Variants in PSD3 observed in about 807,000 individuals in gnomAD.
PSD3 encodes PH and SEC7 domain-containing protein 3.
A neutral mutation model predicts 105.5 loss-of-function variants in PSD3; 49 were observed. The observed-to-expected ratio is 0.46, with a 90% CI of 0.37 to 0.59. The LOEUF is 0.59. PSD3 is among the 20% of genes least tolerant of loss of function. PSD3 has a pLI of 0.00. For missense variants in PSD3, 1,561 were observed against 1,263.8 expected, an observed-to-expected ratio of 1.24 and a Z score of -3.57; for synonymous variants, 557 against 457.8, an observed-to-expected ratio of 1.22 and a Z score of -2.77.
At chr8:19,057,628 C>T (rs572047904) in intron 1 of PSD3, among the ~76,000 whole-genome samples, 2 of 152,256 alleles carry the variant, frequency 1.3e-5, no homozygotes, top group African/African-American at 4.8e-5. Flanking sequence ...CCCTGCTAAA[C>T]ATTTGCTTCA....
chr8:18,683,581 T>C (rs77604181), intron 9 of PSD3, among the ~76,000 whole-genome samples: 2,786 of 152,284 alleles, frequency 0.018, 87 homozygotes, highest in African/African-American at 0.062. Flanking sequence ...AACTGACCCA[T>C]GCCACAGCAT....
At chr8:18,873,048 G>T (rs1391310394) in intron 2 of PSD3, among the ~76,000 whole-genome samples, 1 of 151,974 alleles carries the variant, frequency 6.6e-6, no homozygotes, top group Non-Finnish European at 1.5e-5. Context: ...TGCAAAAAGG[G>T]GTTACAATAA....
rs1046259073 is a variant in PSD3 at position 18,804,580 on chromosome 8, C to T, written c.1852G>A (p.Ala618Thr). ...TCAAAAAACTTCAGATATTCTTCTG[C>T]AACTAGTTTGCTAAATTCGTTGCTA... ...GKNNEFSKLVAEEYLKFFDFT... is the reference protein window; with the variant it reads ...GKNNEFSKLVTEEYLKFFDFT... The change falls in exon 6 of 16, where the codon GCA (alanine) becomes ACA (threonine). Residue 618 changes from alanine to threonine, a missense_variant. By Grantham distance (58) the Ala-to-Thr change is moderately conservative (BLOSUM62 0). Transcript: ENST00000327040. The T allele has an allele frequency of 2.5e-6, 4 of 1,613,582 alleles. No individual in the cohort carries two copies. The highest frequency in any genetic ancestry group is 3.4e-6 in the Non-Finnish European group (4 of 1,179,548).
intron 14 of PSD3, among the ~76,000 whole-genome samples, chr8:18,562,485 G>C (rs559904070): frequency 2.6e-5 from 4 of 152,320 alleles, no homozygotes; most frequent in South Asian, 4.1e-4. Flanking sequence ...CCTGAACTCA[G>C]CTTTCAGAGC....
intron 9 of PSD3, among the ~76,000 whole-genome samples, chr8:18,739,630 T>G (rs1804407014): frequency 6.6e-6 from 1 of 152,182 alleles, no homozygotes; most frequent in African/African-American, 2.4e-5. Flanking sequence ...GGGCTCTAAT[T>G]TATCCTATTT....
At chr8:18,883,557 A>G (rs771292618) in intron 2 of PSD3, among the ~76,000 whole-genome samples, 5 of 152,338 alleles carry the variant, frequency 3.3e-5, no homozygotes, top group Non-Finnish European at 7.4e-5. Context: ...AAACTTGACC[A>G]TTAGTCAAAA....
At chr8:19,055,921 A>G (rs1380168756) in intron 1 of PSD3, among the ~76,000 whole-genome samples, 1 of 152,224 alleles carries the variant, frequency 6.6e-6, no homozygotes, top group Non-Finnish European at 1.5e-5. Flanking sequence ...TGTCAGGAGA[A>G]CACACTACTT....
rs539442045 is a variant in PSD3 at position 18,959,409 on chromosome 8, C to T, written c.22-23267G>A. ...GGATTCATACTACCAAAATAACCCG[C>T]TGTACACTTTACAGCATTTTAAAAC... On this transcript the variant is annotated intron_variant, in intron 1 of 15. Coordinates refer to ENST00000327040, the MANE Select transcript of PSD3 (RefSeq NM_015310.4). 3.3e-5 allele frequency among the ~76,000 whole-genome samples: 5 copies of T among 152,274 alleles called. No individual in the cohort carries two copies. In the South Asian group the frequency reaches 1.0e-3, roughly 32 times the overall value.
intron 2 of PSD3, among the ~76,000 whole-genome samples, chr8:18,934,577 ATTTT>A (rs565531863): frequency 6.7e-6 from 1 of 149,832 alleles, no homozygotes; most frequent in Admixed American, 6.7e-5. Flanking sequence ...CGCCCGGCTA[ATTTT>A]TTTTTTAGTA....
intron 9 of PSD3, among the ~76,000 whole-genome samples, chr8:18,692,813 T>A (rs1447841534): frequency 6.6e-6 from 1 of 152,168 alleles, no homozygotes. Context: ...GCCTATATTA[T>A]ATAGATGTTA....
chr8:18,617,123 G>A (rs572214381), intron 11 of PSD3, among the ~76,000 whole-genome samples: 20 of 152,304 alleles, frequency 1.3e-4, no homozygotes, highest in African/African-American at 4.8e-4. Context: ...TGAACCTTCA[G>A]AGGGTGATGG....
In PSD3 at chr8:19,036,790, G is replaced by A. The variant is rs551599320; in HGVS notation, c.324+47416C>T. Among the ~76,000 whole-genome samples, 2 of 152,292 alleles carry A rather than the reference G, an allele frequency of 1.3e-5. 1 individual carries two copies. Among genetic ancestry groups the A allele is most frequent in the East Asian group, 3.9e-4 (2 of 5,184 alleles). On this transcript the variant is annotated intron_variant, in intron 1 of 1. Coordinates refer to the PSD3 transcript ENST00000521475. ...TTGCCAGTCATTGAAATGTCCTCTT[G>A]TACGTGGTGGTAATGAATCAGACCA...
intron 11 of PSD3, among the ~76,000 whole-genome samples, chr8:18,600,659 T>A (rs1345951542): frequency 6.6e-6 from 1 of 152,194 alleles, no homozygotes; most frequent in Non-Finnish European, 1.5e-5. Context: ...GTTGGTGCTA[T>A]TTCTCTCTTC....
At chr8:18,642,370 C>A (rs1249586663) in intron 10 of PSD3, among the ~76,000 whole-genome samples, 2 of 152,088 alleles carry the variant, frequency 1.3e-5, no homozygotes, top group Non-Finnish European at 2.9e-5. Flanking sequence ...TGTACGAGTA[C>A]ATAAATGCTC....
At chr8:18,562,233 C>T (rs927833924) in intron 14 of PSD3, among the ~76,000 whole-genome samples, 3 of 152,172 alleles carry the variant, frequency 2.0e-5, no homozygotes, top group South Asian at 2.1e-4. Flanking sequence ...CTGTGGGATA[C>T]AGAATCCTAG....
intron 4 of PSD3, among the ~76,000 whole-genome samples, chr8:18,846,377 GA>G (rs1240334444): frequency 1.3e-5 from 2 of 152,296 alleles, no homozygotes; most frequent in Non-Finnish European, 2.9e-5. Context: ...GGCTTTTGAA[GA>G]AAAATCAGAT....
chr8:18,949,061 A>G (rs1424939467), intron 1 of PSD3, among the ~76,000 whole-genome samples: 1 of 149,812 alleles, frequency 6.7e-6, no homozygotes, highest in Non-Finnish European at 1.5e-5. Flanking sequence ...TCTCTACTAA[A>G]AATACAAAAA....
chr8:18,815,453 C>T (rs940584949), intron 4 of PSD3, among the ~76,000 whole-genome samples: 2 of 152,040 alleles, frequency 1.3e-5, no homozygotes, highest in South Asian at 2.1e-4. Context: ...GGATCACAGG[C>T]GCATGCCCCC....
intron 4 of PSD3, among the ~76,000 whole-genome samples, chr8:18,805,553 T>C (rs1423859891): frequency 1.3e-5 from 2 of 152,230 alleles, no homozygotes; most frequent in South Asian, 2.1e-4. Context: ...TAAAGGATAT[T>C]CTTACTTGCA....
Sources: allele counts gnomAD v4.1 joint callset (sites outside exome capture counted in the v4.1 genomes callset), GRCh38; gene constraint gnomAD v4.1.1; transcripts MANE v1.5; gene names NCBI Gene and HGNC (gene_info 2026-07-23, HGNC 2026-07-21).